Variants in FDFT1 observed in about 807,000 individuals in gnomAD.
FDFT1 encodes the protein squalene synthase.
FDFT1 carries 68 observed loss-of-function variants against 46.8 expected under a neutral mutation model. The observed-to-expected ratio is 1.45, with a 90% CI of 1.19 to 1.78. FDFT1 has a LOEUF of 1.78. Among genes scored for constraint, FDFT1 ranks in the 40% most tolerant of loss-of-function variants. FDFT1 has a pLI of 0.00. For missense variants in FDFT1, 928 were observed against 524.4 expected (o/e 1.77, Z -7.52); for synonymous variants, 351 against 185.1 (o/e 1.90, Z -7.28).
chr8:11,837,315 C>T (rs1052890476), intron 7 of FDFT1, among the ~76,000 whole-genome samples: 3 of 152,214 alleles, frequency 2.0e-5, no homozygotes, highest in Admixed American at 2.0e-4. Context: ...ACTGCAACCT[C>T]CACCTCCCAG....
At chr8:11,836,164 A>G (rs1030619832) in intron 7 of FDFT1, among the ~76,000 whole-genome samples, 34 of 151,154 alleles carry the variant, frequency 2.2e-4, no homozygotes, top group Non-Finnish European at 4.4e-5. Flanking sequence ...AAAAAAAAAA[A>G]AAATCTACAA....
At chr8:11,803,626 G>C (rs1414237950) in intron 1 of FDFT1, 3 of 516,604 alleles carry the variant, frequency 5.8e-6, no homozygotes, top group African/African-American at 2.0e-5. Flanking sequence ...ATTCGTACGC[G>C]ATTATTGAAT....
chr8:11,816,108 C>T (rs769060739), intron 3 of FDFT1, among the ~76,000 whole-genome samples: 2 of 152,216 alleles, frequency 1.3e-5, no homozygotes, highest in Admixed American at 6.5e-5. Context: ...TTCCCAGCAG[C>T]ATTTATTAAA....
At chr8:11,809,600 G>A in intron 2 of FDFT1, 67 bp from the exon 3 acceptor site, 4 of 1,475,824 alleles carry the variant, frequency 2.7e-6, no homozygotes, top group South Asian at 1.4e-5. Context: ...CCAGGCACAA[G>A]TTATTTTAAA....
intron 5 of FDFT1, among the ~76,000 whole-genome samples, chr8:11,828,052 A>G (rs990293741): frequency 4.6e-5 from 7 of 152,146 alleles, no homozygotes; most frequent in Non-Finnish European, 5.9e-5. Context: ...AATTACAAAA[A>G]TTAGCCAAGT....
upstream of FDFT1, among the ~76,000 whole-genome samples, chr8:11,797,751 G>A (rs989350712): frequency 1.3e-5 from 2 of 152,106 alleles, no homozygotes; most frequent in African/African-American, 4.8e-5. Context: ...GATTCCACCT[G>A]AGCTGTAATG....
chr8:11,826,317 C>G, intron 5 of FDFT1, 102 bp downstream of exon 5: 2 of 821,602 alleles, frequency 2.4e-6, no homozygotes, highest in South Asian at 2.2e-5. Context: ...AGTCAGGCCT[C>G]CCCCAGGCAG....
chr8:11,800,091 C>G (rs1429526544), upstream of FDFT1, among the ~76,000 whole-genome samples: 5 of 150,884 alleles, frequency 3.3e-5, no homozygotes, highest in Admixed American at 2.0e-4. Flanking sequence ...GAAACCCTGT[C>G]TCTACTAAAA....
At chr8:11,808,928 A>G in intron 2 of FDFT1, 37 bp downstream of exon 2, 13 of 1,602,286 alleles carry the variant, frequency 8.1e-6, no homozygotes, top group Middle Eastern at 1.7e-4. Context: ...CTTGGAGGAA[A>G]GCTTGTCCGG....
At chr8:11,813,303 A>G (rs1284376883) in intron 3 of FDFT1, among the ~76,000 whole-genome samples, 3 of 152,232 alleles carry the variant, frequency 2.0e-5, no homozygotes, top group Non-Finnish European at 4.4e-5. Context: ...AAGTAATAAT[A>G]CAGCCTTATT....
chr8:11,808,236 G>C, intron 1 of FDFT1: 2 of 1,191,452 alleles, frequency 1.7e-6, no homozygotes, highest in African/African-American at 1.6e-5. Flanking sequence ...AGTAGAGTTT[G>C]GTCTAGGGAG....
chr8:11,821,858 T>A lies in FDFT1; in HGVS notation c.490T>A (p.Ser164Thr). 1 of 1,613,338 alleles carries A rather than the reference T, an allele frequency of 6.2e-7. No homozygotes were observed. The highest frequency in any genetic ancestry group is 8.5e-7 in the Non-Finnish European group (1 of 1,179,440). The change falls in exon 4 of 8, where the codon TCT (serine) becomes ACT (threonine). Residue 164 changes from serine to threonine, a missense_variant. Coordinates refer to ENST00000220584, the MANE Select transcript of FDFT1 (RefSeq NM_004462.5). ...MAEFLDKHVT[S>T]EQEWDKYCHY... ...AGAGTTTTTGGATAAGCATGTGACC[T>A]CTGAACAGGAGTGGGACAAGGTTAG... is the stretch of plus-strand genomic sequence containing the variant.
chr8:11,804,205 C>T (rs971807497), intron 1 of FDFT1, among the ~76,000 whole-genome samples: 4 of 152,320 alleles, frequency 2.6e-5, no homozygotes, highest in African/African-American at 7.2e-5. Flanking sequence ...AAAAGCACTG[C>T]AGAGGAAGAT....
At chr8:11,821,092 A>G (rs962774949) in intron 3 of FDFT1, among the ~76,000 whole-genome samples, 1 of 152,210 alleles carries the variant, frequency 6.6e-6, no homozygotes, top group Non-Finnish European at 1.5e-5. Flanking sequence ...TGCTTGATCC[A>G]TGTTTGCACA....
At chr8:11,818,311 G>A (rs1402584450) in intron 3 of FDFT1, among the ~76,000 whole-genome samples, 1 of 152,244 alleles carries the variant, frequency 6.6e-6, no homozygotes, top group Non-Finnish European at 1.5e-5. Flanking sequence ...TAAGTGCGAT[G>A]TGGTGCTGAG....
intron 7 of FDFT1, among the ~76,000 whole-genome samples, chr8:11,832,550 T>TCAAAAAAA (rs1810948925): frequency 7.5e-5 from 1 of 13,412 alleles, no homozygotes; most frequent in Non-Finnish European, 1.8e-4. Context: ...AGACTTTGTC[T>TCAAAAAAA]CAAAAAAAAA....
intron 5 of FDFT1, among the ~76,000 whole-genome samples, chr8:11,828,291 C>T (rs577838247): frequency 3.5e-5 from 5 of 144,032 alleles, no homozygotes; most frequent in African/African-American, 1.2e-4. Context: ...ACCCTTGTCT[C>T]AAAACAAACA....
chr8:11,831,601 A>G lies in FDFT1; in HGVS notation c.963A>G (p.Ala321=). ...CAGTGAAGATTCGGAAAGGGCAAGC[A>G]GTGACCCTGATGATGGATGCCACCA... The part of the protein sequence containing the change: ...KGAVKIRKGQ[A]VTLMMDATNM... Residue 321 remains alanine (A), a synonymous_variant, in exon 7 of 8, where the codon GCA becomes GCG. Coordinates refer to ENST00000220584, the MANE Select transcript of FDFT1 (RefSeq NM_004462.5). 2 of 1,614,110 alleles carry G rather than the reference A, an allele frequency of 1.2e-6. No individual in the cohort carries two copies. Among genetic ancestry groups the G allele is most frequent in the Non-Finnish European group, 1.7e-6 (2 of 1,179,916 alleles).
At chr8:11,830,619 C>T (rs867323246) in intron 6 of FDFT1, among the ~76,000 whole-genome samples, 199 bp downstream of exon 6, 2 of 152,204 alleles carry the variant, frequency 1.3e-5, no homozygotes, top group African/African-American at 4.8e-5. Context: ...TAAGCCTGCT[C>T]CTTTTCAGAA....
Sources: allele counts gnomAD v4.1 joint callset (sites outside exome capture counted in the v4.1 genomes callset), GRCh38; gene constraint gnomAD v4.1.1; transcripts MANE v1.5; gene names NCBI Gene and HGNC (gene_info 2026-07-23, HGNC 2026-07-21).